Variants in ABCC1 observed in about 807,000 individuals in gnomAD.
ABCC1 encodes the protein ATP binding cassette subfamily C member 1 (ABCC1 blood group).
A neutral mutation model predicts 172.9 loss-of-function variants in ABCC1; 83 were observed. That is an observed-to-expected ratio of 0.48 (90% CI 0.40 to 0.58). The LOEUF (loss-of-function observed/expected upper bound fraction) is 0.58, where lower values mean the gene tolerates loss of function less well. ABCC1 is among the 20% of genes least tolerant of loss of function. The pLI is 0.00. For synonymous variants in ABCC1, 937 were observed against 825.2 expected (o/e 1.14, Z -2.32); for missense variants, 1,817 against 2,002.7 (o/e 0.91, Z 1.77).
chr16:16,040,954 G>A lies in ABCC1; in HGVS notation c.810-3496G>A, dbSNP rs183567368. Among the ~76,000 whole-genome samples, 166 of 152,018 alleles carry A rather than the reference G, an allele frequency of 1.1e-3. 6 individuals are homozygous for A. Among genetic ancestry groups the A allele is most frequent in the Non-Finnish European group, 2.1e-4 (14 of 67,948 alleles). ...TTATTTATTTATTTTTTGAGACAGG[G>A]TGTCACTCTTTTGTCCAGGCTGGAG... On this transcript the variant is annotated intron_variant, in intron 7 of 30. Coordinates refer to ENST00000399410, the MANE Select transcript of ABCC1 (RefSeq NM_004996.4).
chr16:16,041,676 C>T (rs191663652), intron 7 of ABCC1, among the ~76,000 whole-genome samples: 4 of 152,234 alleles, frequency 2.6e-5, no homozygotes, highest in African/African-American at 7.2e-5. Context: ...GAATGCAGCT[C>T]GTGCAGCTCT....
chr16:16,062,981 C>T (rs1418167981), intron 12 of ABCC1, among the ~76,000 whole-genome samples: 1 of 152,200 alleles, frequency 6.6e-6, no homozygotes, highest in African/African-American at 2.4e-5. Context: ...TACCCTGAAT[C>T]TCCCTTTGTT....
At chr16:15,986,242 T>A (rs2046740904) in intron 1 of ABCC1, among the ~76,000 whole-genome samples, 1 of 151,658 alleles carries the variant, frequency 6.6e-6, no homozygotes, top group African/African-American at 2.4e-5. Flanking sequence ...GCCTCAAATC[T>A]CCTTTTCTGA....
chr16:16,007,625 C>T (rs567668520), intron 1 of ABCC1, among the ~76,000 whole-genome samples, 191 bp from the exon 2 acceptor site: 1 of 152,112 alleles, frequency 6.6e-6, no homozygotes, highest in Admixed American at 6.6e-5. Flanking sequence ...ACCTTTATCC[C>T]TTGTTCCTCA....
At position 16,046,006 on chromosome 16, in the gene ABCC1, A is replaced by T. The variant is rs771408113; in HGVS notation, c.1211A>T (p.Tyr404Phe). The change falls in exon 9 of 31, where the codon TAT becomes TTT. Residue 404 changes from tyrosine (Y) to phenylalanine (F), a missense_variant. Around this residue, in one of 3 missense-constraint regions of ABCC1, gnomAD observed 1,412 missense variants for 1,600.3 expected, o/e 0.88. Transcript: ENST00000399410. ...AAGACCGCTGTCATTGGGGCTGTCT[A>T]TCGGAAGGTAGGGGACGCTGTGCCA... is the stretch of plus-strand genomic sequence containing the variant. Reference protein sequence around the residue: ...RIKTAVIGAVYRKALVITNSA... With the variant: ...RIKTAVIGAVFRKALVITNSA... 1.9e-6 allele frequency: 3 copies of T among 1,613,922 alleles called. No individual in the cohort carries two copies. Among genetic ancestry groups the T allele is most frequent in the Non-Finnish European group, 2.5e-6 (3 of 1,180,014 alleles).
At chr16:16,054,979 C>G (rs1271851983) in intron 11 of ABCC1, among the ~76,000 whole-genome samples, 2 of 152,172 alleles carry the variant, frequency 1.3e-5, no homozygotes, top group Non-Finnish European at 2.9e-5. Flanking sequence ...TCTGTAATCC[C>G]AGCTCTTTGG....
intron 1 of ABCC1, among the ~76,000 whole-genome samples, chr16:16,005,909 G>A (rs913867671): frequency 6.6e-6 from 1 of 151,590 alleles, no homozygotes; most frequent in African/African-American, 2.4e-5. Context: ...AGCCGAGATC[G>A]CTTGAACCCG....
Position 16,026,762 on chromosome 16 carries a change from C to A in ABCC1, c.616-6347C>A, listed in dbSNP as rs540792836. Among the ~76,000 whole-genome samples, 5 of 151,876 alleles carry A rather than the reference C, an allele frequency of 3.3e-5. No homozygotes were observed. In the East Asian group the frequency reaches 7.8e-4, roughly 24 times the overall value. On this transcript the variant is annotated intron_variant, in intron 5 of 30. Coordinates refer to ENST00000399410, the MANE Select transcript of ABCC1 (RefSeq NM_004996.4). The stretch of plus-strand genomic sequence containing the variant: ...GAAACCCCATCTCTATCAAAAAATC[C>A]AAAAATTAGCCAGGTGTGGTGGCAG...
intron 1 of ABCC1, among the ~76,000 whole-genome samples, chr16:15,950,122 G>A (rs1050453039): frequency 3.3e-5 from 5 of 151,952 alleles, no homozygotes; most frequent in Admixed American, 2.0e-4. Context: ...AACCTTCCAG[G>A]GAAGGGGACG....
chr16:15,996,070 C>G (rs1195985241), intron 1 of ABCC1, among the ~76,000 whole-genome samples: 1 of 150,718 alleles, frequency 6.6e-6, no homozygotes, highest in Non-Finnish European at 1.5e-5. Flanking sequence ...CCACAACCTC[C>G]ACCTCCTGGG....
Position 15,979,434 on chromosome 16 carries a change from A to G in ABCC1, c.49-28382A>G, listed in dbSNP as rs192983941. ...TCTTTTGAGGAGGGTGTTAGGTGCT[A>G]AAGGCAGCACGTGTAAGGTGAAAAT... On this transcript the variant is annotated intron_variant, in intron 1 of 30. Transcript: ENST00000399410. 3.2e-3 allele frequency among the ~76,000 whole-genome samples: 480 copies of G among 152,290 alleles called. 1 individual carries two copies. The highest frequency in any genetic ancestry group is 4.4e-3 in the Non-Finnish European group (299 of 68,026).
At chr16:16,002,821 G>A (rs1426316893) in intron 1 of ABCC1, among the ~76,000 whole-genome samples, 1 of 148,486 alleles carries the variant, frequency 6.7e-6, no homozygotes, top group Non-Finnish European at 1.5e-5. Context: ...GTAAAAAAAA[G>A]CAAGGTATAG....
chr16:16,090,414 T>G lies in ABCC1; in HGVS notation c.2470T>G (p.Leu824Val). The change falls in exon 19 of 31, where the codon TTG becomes GTG. Residue 824 changes from leucine (L) to valine (V), a missense_variant. This residue lies in a region of ABCC1 where 1,412 missense variants were observed against 1,600.3 expected (regional missense o/e 0.88). Coordinates refer to ENST00000399410, the MANE Select transcript of ABCC1 (RefSeq NM_004996.4). ...TCCCCTTTGCCCACAGACGCGGATC[T>G]TGGTCACGCACAGCATGAGCTACTT... The part of the protein sequence containing the change: ...KGMLKNKTRI[L>V]VTHSMSYLPQ... 6.3e-7 allele frequency: 1 copy of G among 1,597,544 alleles called. No individual in the cohort carries two copies. The highest frequency in any genetic ancestry group is 1.7e-5 in the Admixed American group (1 of 58,872).
At chr16:16,086,294 G>C (rs1238526842) in intron 17 of ABCC1, among the ~76,000 whole-genome samples, 1 of 152,228 alleles carries the variant, frequency 6.6e-6, no homozygotes, top group Admixed American at 6.5e-5. Context: ...CCCTGTGCCT[G>C]TGATCCCATC....
chr16:15,973,821 A>T (rs976297130), intron 1 of ABCC1, among the ~76,000 whole-genome samples: 45 of 141,702 alleles, frequency 3.2e-4, no homozygotes, highest in East Asian at 6.1e-4. Context: ...ACACAAAATT[A>T]AAAAAAAAAA....
intron 1 of ABCC1, among the ~76,000 whole-genome samples, chr16:15,951,442 T>C (rs925983949): frequency 1.3e-5 from 2 of 152,170 alleles, no homozygotes; most frequent in African/African-American, 4.8e-5. Context: ...GTTAAGGACT[T>C]TCTGCCACAG....
At chr16:16,122,302 A>C (rs912901483) in intron 24 of ABCC1, 128 bp downstream of exon 24, 6 of 1,042,160 alleles carry the variant, frequency 5.8e-6, no homozygotes, top group Non-Finnish European at 8.4e-6. Flanking sequence ...GAAAGGATGG[A>C]GAGGCTTGAT....
At chr16:16,001,545 C>T (rs1331280922) in intron 1 of ABCC1, among the ~76,000 whole-genome samples, 1 of 152,064 alleles carries the variant, frequency 6.6e-6, no homozygotes, top group African/African-American at 2.4e-5. Flanking sequence ...GAAGTTGTTT[C>T]CCAGCAGAAG....
intron 5 of ABCC1, among the ~76,000 whole-genome samples, chr16:16,018,700 T>A (rs554498419): frequency 1.3e-5 from 2 of 152,200 alleles, no homozygotes; most frequent in South Asian, 4.2e-4. Flanking sequence ...CGTGTGCATG[T>A]GCCTGCTTGT....
Sources: allele counts gnomAD v4.1 joint callset (sites outside exome capture counted in the v4.1 genomes callset), GRCh38; gene constraint gnomAD v4.1.1; regional missense constraint gnomAD v4.1.1; transcripts MANE v1.5; gene names NCBI Gene and HGNC (gene_info 2026-07-23, HGNC 2026-07-21).